STC1: variants seen among roughly 807,000 people sequenced by gnomAD.
The protein encoded by STC1 is stanniocalcin 1.
A neutral mutation model predicts 22.6 loss-of-function variants in STC1; 7 were observed. The observed-to-expected ratio is 0.31, with a 90% CI of 0.18 to 0.58. The LOEUF is 0.58. Among genes scored for constraint, STC1 ranks in the 20% least tolerant of loss-of-function variants. The probability of loss-of-function intolerance (pLI) is 0.89; values close to 1 mark genes in which losing one functional copy is unlikely to be tolerated. For synonymous variants in STC1, 113 were observed against 120.7 expected, an observed-to-expected ratio of 0.94 and a Z score of 0.42; for missense variants, 224 against 311.0, an observed-to-expected ratio of 0.72 and a Z score of 2.10.
chr8:23,854,222 A>T (rs138193263), intron 1 of STC1, 184 bp downstream of exon 1: 4 of 1,016,684 alleles, frequency 3.9e-6, no homozygotes, highest in Non-Finnish European at 5.6e-6. Flanking sequence ...GTTTAGTTGC[A>T]TGCAATTTAT....
chr8:23,852,169 T>G, intron 2 of STC1, 73 bp downstream of exon 2: 1 of 1,598,934 alleles, frequency 6.3e-7, no homozygotes, highest in Non-Finnish European at 8.6e-7. Flanking sequence ...ACAAGACTGG[T>G]TCCTAAGAAC....
intron 1 of STC1, among the ~76,000 whole-genome samples, chr8:23,853,284 A>G (rs1802660063): frequency 6.6e-6 from 1 of 152,226 alleles, no homozygotes; most frequent in Non-Finnish European, 1.5e-5. Context: ...AGCATGGTTC[A>G]GTTAGTCTTC....
rs1462037291 is a variant in STC1, at chr8:23,843,615, G to C, written c.*1155C>G. ...AATGTATAGTAGGCCTTATCACACT[G>C]TAAGTGGTCCAAGCCCATAGGGATG... is the stretch of plus-strand genomic sequence containing the variant. On this transcript the variant is annotated 3_prime_UTR_variant, in exon 4 of 4. Transcript: ENST00000290271. 6.6e-6 allele frequency: 1 copy of C among 152,636 alleles called. No homozygotes were observed. The highest frequency in any genetic ancestry group is 1.5e-5 in the Non-Finnish European group (1 of 68,044). 9.5% of individuals were successfully genotyped at this position (152,636 alleles called of 1,614,324 possible).
intron 3 of STC1, among the ~76,000 whole-genome samples, chr8:23,848,923 T>C (rs1038482728): frequency 6.6e-6 from 1 of 152,142 alleles, no homozygotes; most frequent in Admixed American, 6.5e-5. Flanking sequence ...TGGATCTGGG[T>C]TGGTCTAAGT....
At chr8:23,850,684 A>C (rs1802627697) in intron 3 of STC1, among the ~76,000 whole-genome samples, 1 of 152,172 alleles carries the variant, frequency 6.6e-6, no homozygotes, top group Non-Finnish European at 1.5e-5. Flanking sequence ...GCCATAAAAC[A>C]CACTCATTCT....
At chr8:23,852,813 G>T (rs531948532) in intron 1 of STC1, among the ~76,000 whole-genome samples, 1 of 152,144 alleles carries the variant, frequency 6.6e-6, no homozygotes, top group Non-Finnish European at 1.5e-5. Context: ...AATCCATCTA[G>T]CTTTGGAAAA....
intron 3 of STC1, among the ~76,000 whole-genome samples, chr8:23,850,427 G>T (rs565499437): frequency 3.5e-4 from 54 of 152,242 alleles, no homozygotes; most frequent in African/African-American, 1.3e-3. Context: ...ATATCACAGG[G>T]GGCTAAACTT....
chr8:23,845,766 T>G (rs7831701), intron 3 of STC1, among the ~76,000 whole-genome samples: 28,158 of 152,054 alleles, frequency 0.19, 2,773 homozygotes, highest in African/African-American at 0.25. Flanking sequence ...AGGCAAGAAG[T>G]CTATTTAAAT....
At chr8:23,845,130 C>A in intron 3 of STC1, 90 bp from the exon 4 acceptor site, 6 of 1,356,272 alleles carry the variant, frequency 4.4e-6, no homozygotes, top group Non-Finnish European at 6.2e-6. Context: ...CAACACGAGT[C>A]CCTAATGGCC....
intron 1 of STC1, among the ~76,000 whole-genome samples, chr8:23,853,343 C>A (rs1802661259): frequency 6.6e-6 from 1 of 151,532 alleles, no homozygotes; most frequent in Non-Finnish European, 1.5e-5. Context: ...CAAGTCATTT[C>A]CCTAATTATA....
chr8:23,842,705 A>G lies in STC1; in HGVS notation c.*2065T>C, dbSNP rs1215352710. The G allele has an allele frequency of 6.6e-6, 1 of 152,444 alleles. No homozygotes were observed. The highest frequency in any genetic ancestry group is 1.5e-5 in the Non-Finnish European group (1 of 68,024). 9.4% of individuals were successfully genotyped at this position (152,444 alleles called of 1,614,324 possible). On this transcript the variant is annotated 3_prime_UTR_variant, in exon 4 of 4. Coordinates refer to ENST00000290271, the MANE Select transcript of STC1 (RefSeq NM_003155.3). ...AGTGTGGGAGGGAGGGGAAGAGTCT[A>G]ACTTAGAATATGGTCTACCTGATTT... is the stretch of plus-strand genomic sequence containing the variant.
chr8:23,843,764 G>T lies in STC1; in HGVS notation c.*1006C>A, dbSNP rs1802540969. 6.6e-6 allele frequency: 1 copy of T among 152,568 alleles called. No individual in the cohort carries two copies. Among genetic ancestry groups the T allele is most frequent in the Admixed American group, 6.5e-5 (1 of 15,284 alleles). The allele number at this position is 152,568 out of a possible 1,614,324, so 9.5% of individuals were successfully genotyped here. On this transcript the variant is annotated 3_prime_UTR_variant, in exon 4 of 4. Coordinates refer to ENST00000290271, the MANE Select transcript of STC1 (RefSeq NM_003155.3). ...TTAACATCTTACCTGGGGTCCTTCA[G>T]ATAAACCTGTTGGTTTTTCCTGTCT...
At chr8:23,853,311 A>G (rs1178554592) in intron 1 of STC1, among the ~76,000 whole-genome samples, 1 of 148,174 alleles carries the variant, frequency 6.7e-6, no homozygotes, top group African/African-American at 2.5e-5. Flanking sequence ...CCCTCCCACC[A>G]CCCGCAGCCT....
At position 23,844,807 on chromosome 8, in the gene STC1, GGA is replaced by G; in HGVS notation, c.705_706del (p.Pro236LeufsTer9). ...ATGGGATGTGCGTTTGATGTGGGAG[GGA>G]GAGTCCTCCTCACCTCGGAGGTTCC... On this transcript the variant is annotated frameshift_variant, in exon 4 of 4. Transcript: ENST00000290271. LOFTEE classifies it high-confidence loss of function. 1 of 1,614,098 alleles carries G rather than the reference GGA, an allele frequency of 6.2e-7. No homozygotes were observed. The highest frequency in any genetic ancestry group is 2.2e-5 in the East Asian group (1 of 44,860).
intron 1 of STC1, 50 bp downstream of exon 1, chr8:23,854,356 A>G (rs1802673160): frequency 1.3e-6 from 2 of 1,521,268 alleles, no homozygotes; most frequent in Non-Finnish European, 1.8e-6. Context: ...GGGAGAGGCA[A>G]ATGAGGACAG....
At chr8:23,848,542 A>G (rs1235724325) in intron 3 of STC1, among the ~76,000 whole-genome samples, 1 of 147,538 alleles carries the variant, frequency 6.8e-6, no homozygotes, top group East Asian at 1.9e-4. Context: ...AAAAAAAAAA[A>G]AAAAAAAAAA....
chr8:23,849,425 A>G (rs1336626662), intron 3 of STC1, among the ~76,000 whole-genome samples: 2 of 152,110 alleles, frequency 1.3e-5, no homozygotes, highest in African/African-American at 2.4e-5. Context: ...TTTTTCTCCA[A>G]TTGACCTTTC....
At chr8:23,853,302 C>G (rs1245909219) in intron 1 of STC1, among the ~76,000 whole-genome samples, 3 of 152,146 alleles carry the variant, frequency 2.0e-5, no homozygotes, top group Admixed American at 6.5e-5. Flanking sequence ...TTCCCCACCC[C>G]CTCCCACCAC....
Position 23,843,468 on chromosome 8 carries a change from A to C in STC1, c.*1302T>G, listed in dbSNP as rs1802538438. ...CTCTCAGCCCCAAGTCCCCCGGACTAAAGACCTAAAGGCTGATTGACTCAT... is the reference window on the plus strand; with the variant it reads ...CTCTCAGCCCCAAGTCCCCCGGACTCAAGACCTAAAGGCTGATTGACTCAT... On this transcript the variant is annotated 3_prime_UTR_variant, in exon 4 of 4. Transcript: ENST00000290271. The C allele has an allele frequency of 6.6e-6, 1 of 152,620 alleles. No homozygotes were observed. The highest frequency in any genetic ancestry group is 6.5e-5 in the Admixed American group (1 of 15,272). 9.5% of individuals were successfully genotyped at this position (152,620 alleles called of 1,614,324 possible).
Sources: gnomAD v4.1 joint callset for allele counts (sites outside exome capture counted in the v4.1 genomes callset) on GRCh38, gnomAD v4.1.1 for gene constraint, MANE v1.5 for transcripts, NCBI Gene and HGNC (gene_info 2026-07-23, HGNC 2026-07-21) for gene names.